Variants in CLEC4A observed in about 807,000 individuals in gnomAD.
CLEC4A encodes C-type lectin domain family 4 member A.
Under a neutral mutation model 32.7 loss-of-function variants are expected in CLEC4A, and 27 were observed. That is an observed-to-expected ratio of 0.83 (90% CI 0.61 to 1.14). The LOEUF (loss-of-function observed/expected upper bound fraction) is 1.14, where lower values mean the gene tolerates loss of function less well. CLEC4A is among the 50% of genes most tolerant of loss of function. CLEC4A has a pLI of 0.00. For synonymous variants in CLEC4A, 89 were observed against 93.7 expected, an observed-to-expected ratio of 0.95 and a Z score of 0.29; for missense variants, 253 against 274.6, an observed-to-expected ratio of 0.92 and a Z score of 0.55.
Position 8,135,686 on chromosome 12 carries a change from T to C in CLEC4A, c.400T>C (p.Cys134Arg). 6.2e-7 allele frequency: 1 copy of C among 1,614,224 alleles called. No individual in the cohort carries two copies. The change falls in exon 4 of 6, where the codon TGT (cysteine) becomes CGT (arginine). Residue 134 changes from cysteine to arginine, a missense_variant. Coordinates refer to ENST00000229332, the MANE Select transcript of CLEC4A (RefSeq NM_016184.4). Reference protein sequence around the residue: ...SASWQDSEKDCARMEAHLLVI... With the variant: ...SASWQDSEKDRARMEAHLLVI... ...ATCTTGGCAAGACAGTGAGAAGGAC[T>C]GTGCTAGAATGGAGGCTCACCTGCT...
rs764509748 is a variant in CLEC4A at position 8,134,655 on chromosome 12, G to T, written c.299-930G>T. 167 of 1,595,468 alleles carry T rather than the reference G, an allele frequency of 1.0e-4. No individual in the cohort carries two copies. In the African/African-American group the frequency reaches 2.1e-3, roughly 20 times the overall value. On this transcript the variant is annotated intron_variant, in intron 3 of 5. Coordinates refer to ENST00000229332, the MANE Select transcript of CLEC4A (RefSeq NM_016184.4). ...CGCCATCCCCCCGCAGAACTCATAC[G>T]GCGGGGGACATGGGGGAATCCCCCA...
At position 8,131,037 on chromosome 12, in the gene CLEC4A, AT is replaced by A. The variant is rs781131418; in HGVS notation, c.298+1676del. Among the ~76,000 whole-genome samples, 639 of 152,330 alleles carry A rather than the reference AT, an allele frequency of 4.2e-3. 1 individual carries two copies. Among genetic ancestry groups the A allele is most frequent in the African/African-American group, 0.014 (590 of 41,578 alleles). ...CAGTTTTGAGCAATACTGGTCAGGT[AT>A]ATTATAGAATGTCCATCTATCAGAA... On this transcript the variant is annotated intron_variant, in intron 3 of 5. Transcript: ENST00000229332.
intron 1 of CLEC4A, 41 bp from the exon 2 acceptor site, chr12:8,125,520 C>A: frequency 1.7e-6 from 2 of 1,184,472 alleles, no homozygotes; most frequent in East Asian, 2.4e-5. Flanking sequence ...AAGTAAAGAC[C>A]AAACTTATTA....
intron 3 of CLEC4A, among the ~76,000 whole-genome samples, chr12:8,131,639 C>T (rs1244803078): frequency 6.6e-6 from 1 of 152,048 alleles, no homozygotes; most frequent in East Asian, 1.9e-4. Flanking sequence ...CAGAAACATC[C>T]AGAATGTTTG....
chr12:8,136,150 G>A (rs982794857), intron 4 of CLEC4A, among the ~76,000 whole-genome samples: 3 of 152,206 alleles, frequency 2.0e-5, no homozygotes, highest in South Asian at 4.1e-4. Context: ...CTGAAGTTAT[G>A]AAAGGAAAAT....
chr12:8,134,555 T>C (rs1300964966), intron 3 of CLEC4A: 1 of 1,613,640 alleles, frequency 6.2e-7, no homozygotes, highest in Admixed American at 1.7e-5. Flanking sequence ...CCCCGACTCC[T>C]GCTTCGCCCT....
At chr12:8,104,892 C>T in the CLEC4A span, among the ~76,000 whole-genome samples, 1 of 152,070 alleles carries the variant, frequency 6.6e-6, no homozygotes, top group African/African-American at 2.4e-5. Flanking sequence ...ATGTTGCTGC[C>T]AAGGACATGT....
intron 3 of CLEC4A, among the ~76,000 whole-genome samples, chr12:8,129,652 A>G (rs999970549): frequency 6.6e-6 from 1 of 152,164 alleles, no homozygotes; most frequent in Admixed American, 6.5e-5. Context: ...TTAGCTAGGC[A>G]TGGTGGTACA....
At chr12:8,112,384 C>A in the CLEC4A span, among the ~76,000 whole-genome samples, 2 of 152,152 alleles carry the variant, frequency 1.3e-5, no homozygotes, top group African/African-American at 4.8e-5. Context: ...CCTCCCCCAA[C>A]ATTTAAAATT....
chr12:8,124,102 T>G, intron 1 of CLEC4A, 142 bp downstream of exon 1: 1 of 641,010 alleles, frequency 1.6e-6, no homozygotes. Flanking sequence ...GAAGATTGAG[T>G]GGCCTGCAGA....
At chr12:8,129,463 T>C (rs1401955926) in intron 3 of CLEC4A, 101 bp downstream of exon 3, 1 of 793,550 alleles carries the variant, frequency 1.3e-6, no homozygotes, top group Non-Finnish European at 2.1e-6. Context: ...TACTGAAAAG[T>C]TGAGTCTCAC....
chr12:8,115,372 A>T, the CLEC4A span, among the ~76,000 whole-genome samples: 14 of 152,216 alleles, frequency 9.2e-5, no homozygotes, highest in Admixed American at 9.2e-4. Context: ...TTATGGATTT[A>T]GTACATCTAA....
intron 4 of CLEC4A, among the ~76,000 whole-genome samples, chr12:8,136,116 C>T (rs1388284032): frequency 1.3e-5 from 2 of 152,102 alleles, no homozygotes; most frequent in Non-Finnish European, 2.9e-5. Context: ...ACAATCAACA[C>T]TCAGGAATGA....
intron 3 of CLEC4A, chr12:8,133,735 CT>C: frequency 6.9e-6 from 11 of 1,585,888 alleles, no homozygotes; most frequent in South Asian, 6.9e-5. Flanking sequence ...AGCTCCTCCC[CT>C]CCCCCTGTCC....
chr12:8,134,208 T>C, intron 3 of CLEC4A: 1 of 1,611,398 alleles, frequency 6.2e-7, no homozygotes, highest in Admixed American at 1.7e-5. Context: ...TCCTGAAGAT[T>C]TTCATTGTTG....
chr12:8,114,445 C>T, the CLEC4A span, among the ~76,000 whole-genome samples: 17 of 152,174 alleles, frequency 1.1e-4, no homozygotes, highest in East Asian at 5.8e-4. Context: ...GGGGTTTCAC[C>T]GTGTTAGCCA....
intron 2 of CLEC4A, among the ~76,000 whole-genome samples, chr12:8,128,195 C>T (rs746370222): frequency 6.6e-6 from 1 of 152,110 alleles, no homozygotes; most frequent in South Asian, 2.1e-4. Context: ...AAAGGTAAGA[C>T]AAAAACAACA....
chr12:8,136,732 A>G (rs1948123900), intron 4 of CLEC4A, 56 bp from the exon 5 acceptor site: 11 of 1,043,208 alleles, frequency 1.1e-5, no homozygotes, highest in Non-Finnish European at 1.5e-5. Context: ...AGGTATTAAG[A>G]ATTCAGTTTA....
At chr12:8,135,835 T>G in intron 4 of CLEC4A, 99 bp downstream of exon 4, 83 of 1,191,436 alleles carry the variant, frequency 7.0e-5, no homozygotes, top group Middle Eastern at 2.1e-4. Context: ...ATATTTGCGC[T>G]GTGGCAGAAG....
Sources: allele counts gnomAD v4.1 joint callset (sites outside exome capture counted in the v4.1 genomes callset), GRCh38; gene constraint gnomAD v4.1.1; transcripts MANE v1.5; gene names NCBI Gene and HGNC (gene_info 2026-07-23, HGNC 2026-07-21).